SPOCK1: variants seen among roughly 807,000 people sequenced by gnomAD.
SPOCK1 encodes the protein SPARC (osteonectin), cwcv and kazal like domains proteoglycan 1.
Under a neutral mutation model 55.3 loss-of-function variants are expected in SPOCK1, and 23 were observed. The observed-to-expected ratio is 0.42, with a 90% CI of 0.30 to 0.59. The LOEUF (loss-of-function observed/expected upper bound fraction) is 0.59. Among genes scored for constraint, SPOCK1 ranks in the 20% least tolerant of loss-of-function variants. SPOCK1 has a pLI of 0.22. For missense variants in SPOCK1, 499 were observed against 552.5 expected (o/e 0.90, Z 0.97); for synonymous variants, 226 against 221.0 (o/e 1.02, Z -0.20).
chr5:137,023,663 T>C (rs1751614529), intron 6 of SPOCK1, among the ~76,000 whole-genome samples: 1 of 152,190 alleles, frequency 6.6e-6, no homozygotes, highest in African/African-American at 2.4e-5. Context: ...GAAGGCATCA[T>C]TTCATCTGCA....
At chr5:137,131,076 G>A (rs1232184247) in intron 4 of SPOCK1, among the ~76,000 whole-genome samples, 6 of 152,198 alleles carry the variant, frequency 3.9e-5, no homozygotes, top group Non-Finnish European at 2.9e-5. Flanking sequence ...CAGCGCCCCC[G>A]ATGGGCCCTA....
At chr5:137,033,909 A>G (rs1483516709) in intron 6 of SPOCK1, among the ~76,000 whole-genome samples, 1 of 152,158 alleles carries the variant, frequency 6.6e-6, no homozygotes, top group Non-Finnish European at 1.5e-5. Flanking sequence ...CACCAGGGCT[A>G]CTCCTAACAC....
chr5:137,421,199 G>A (rs1340067307), intron 2 of SPOCK1, among the ~76,000 whole-genome samples: 1 of 152,174 alleles, frequency 6.6e-6, no homozygotes. Context: ...CATTTGCTGA[G>A]GAGTGTTTTA....
intron 3 of SPOCK1, among the ~76,000 whole-genome samples, chr5:137,170,253 T>C (rs1754728387): frequency 2.0e-5 from 3 of 152,184 alleles, no homozygotes; most frequent in African/African-American, 7.2e-5. Context: ...ACTTTTATTT[T>C]TGTTTTCTCT....
intron 6 of SPOCK1, among the ~76,000 whole-genome samples, chr5:137,015,181 C>A (rs997196283): frequency 1.3e-5 from 2 of 152,014 alleles, no homozygotes; most frequent in African/African-American, 4.8e-5. Flanking sequence ...GTGGCCCATG[C>A]CTGTAATCCC....
intron 3 of SPOCK1, among the ~76,000 whole-genome samples, chr5:137,183,736 T>G (rs2127065768): frequency 6.6e-6 from 1 of 152,310 alleles, no homozygotes; most frequent in South Asian, 2.1e-4. Context: ...TGAGTCCAGT[T>G]TCCAGCCCTC....
At chr5:137,149,761 G>C (rs1580777147) in intron 3 of SPOCK1, among the ~76,000 whole-genome samples, 1 of 152,206 alleles carries the variant, frequency 6.6e-6, no homozygotes, top group East Asian at 1.9e-4. Flanking sequence ...GCAACTCCAA[G>C]AATTTCTGCC....
chr5:137,220,833 C>G (rs116078769), intron 3 of SPOCK1, among the ~76,000 whole-genome samples: 2 of 152,154 alleles, frequency 1.3e-5, no homozygotes, highest in African/African-American at 4.8e-5. Flanking sequence ...CAGCCTTTCT[C>G]GGGCACACAC....
At chr5:137,284,067 G>T (rs1406194564) in intron 2 of SPOCK1, among the ~76,000 whole-genome samples, 1 of 152,202 alleles carries the variant, frequency 6.6e-6, no homozygotes, top group Non-Finnish European at 1.5e-5. Flanking sequence ...TCAGCACAAT[G>T]ACTTTGCAAG....
In SPOCK1 at chr5:137,049,030, T is replaced by C. The variant is rs1421913761; in HGVS notation, c.589+18685A>G. ...GATCCGCTGTTAGTCTGATGGGCTTTCCTTTGAGGGTAACCCGACCTTTCT... is the reference window on the plus strand; with the variant it reads ...GATCCGCTGTTAGTCTGATGGGCTTCCCTTTGAGGGTAACCCGACCTTTCT... On this transcript the variant is annotated intron_variant, in intron 6 of 10. Transcript: ENST00000394945. 8.9e-3 allele frequency among the ~76,000 whole-genome samples: 1,209 copies of C among 135,480 alleles called. 14 individuals are homozygous for C. Among genetic ancestry groups the C allele is most frequent in the African/African-American group, 0.031 (1,131 of 36,596 alleles). 88.9% of individuals were successfully genotyped at this position (135,480 alleles called of 152,430 possible). A position where few individuals can be genotyped will look rare whatever the true frequency, so the allele number is the denominator to read the frequency against.
intron 4 of SPOCK1, among the ~76,000 whole-genome samples, chr5:137,140,113 A>C (rs941798487): frequency 1.3e-5 from 2 of 152,204 alleles, no homozygotes; most frequent in African/African-American, 4.8e-5. Context: ...CCCAAAAACC[A>C]AGGATGGCAA....
At chr5:137,018,448 C>A (rs906182344) in intron 6 of SPOCK1, among the ~76,000 whole-genome samples, 6 of 152,160 alleles carry the variant, frequency 3.9e-5, no homozygotes, top group Non-Finnish European at 8.8e-5. Flanking sequence ...GCCTTCCTTT[C>A]CCCTCACCTT....
At chr5:137,167,801 G>C (rs1421438634) in intron 3 of SPOCK1, among the ~76,000 whole-genome samples, 1 of 151,842 alleles carries the variant, frequency 6.6e-6, no homozygotes, top group East Asian at 1.9e-4. Flanking sequence ...ATACCTATGA[G>C]TATAGCCATG....
At chr5:137,379,578 G>C (rs1452727699) in intron 2 of SPOCK1, among the ~76,000 whole-genome samples, 1 of 118,050 alleles carries the variant, frequency 8.5e-6, no homozygotes, top group East Asian at 2.9e-4. Flanking sequence ...ATGCTCCTGA[G>C]CAACATCCAT....
chr5:137,488,457 T>C (rs1234002477), intron 2 of SPOCK1, among the ~76,000 whole-genome samples: 1 of 152,144 alleles, frequency 6.6e-6, no homozygotes, highest in Non-Finnish European at 1.5e-5. Flanking sequence ...AAGCCTATGC[T>C]CTGGACTAGC....
intron 2 of SPOCK1, among the ~76,000 whole-genome samples, chr5:137,435,479 T>C (rs955283370): frequency 1.3e-5 from 2 of 152,212 alleles, no homozygotes; most frequent in Non-Finnish European, 2.9e-5. Context: ...TGTATGTTTC[T>C]CTGTTTTACA....
intron 2 of SPOCK1, among the ~76,000 whole-genome samples, chr5:137,276,696 A>G (rs1048833001): frequency 1.3e-5 from 2 of 152,320 alleles, no homozygotes; most frequent in South Asian, 4.1e-4. Flanking sequence ...TTTCTGAGGA[A>G]GGTGAAATAG....
intron 5 of SPOCK1, among the ~76,000 whole-genome samples, chr5:137,112,083 C>T (rs575339937): frequency 6.6e-6 from 1 of 152,126 alleles, no homozygotes; most frequent in African/African-American, 2.4e-5. Flanking sequence ...TCACGACCCC[C>T]CCTTACTGGT....
chr5:137,360,874 T>C (rs1330120603), intron 2 of SPOCK1, among the ~76,000 whole-genome samples: 2 of 152,208 alleles, frequency 1.3e-5, no homozygotes, highest in African/African-American at 4.8e-5. Context: ...CTTCTGTACA[T>C]GTTTCTACAT....
Sources: allele counts gnomAD v4.1 joint callset (sites outside exome capture counted in the v4.1 genomes callset), GRCh38; gene constraint gnomAD v4.1.1; transcripts MANE v1.5; gene names NCBI Gene and HGNC (gene_info 2026-07-23, HGNC 2026-07-21).